MAP3K20: variants seen among roughly 807,000 people sequenced by gnomAD.
MAP3K20 encodes the protein HCCS-4.
In MAP3K20, 40 loss-of-function variants were observed where a neutral mutation model predicts 85.7. The observed-to-expected ratio is 0.47, with a 90% confidence interval of 0.36 to 0.61. The LOEUF (loss-of-function observed/expected upper bound fraction) is 0.61, where lower values mean the gene tolerates loss of function less well. MAP3K20 is among the 20% of genes least tolerant of loss of function. MAP3K20 has a pLI of 0.00. For synonymous variants in MAP3K20, 325 were observed against 327.7 expected (o/e 0.99, Z 0.09); for missense variants, 817 against 961.7 (o/e 0.85, Z 1.99).
At chr2:173,202,862 T>G (rs1392737806) in intron 8 of MAP3K20, among the ~76,000 whole-genome samples, 2 of 152,178 alleles carry the variant, frequency 1.3e-5, no homozygotes, top group Non-Finnish European at 2.9e-5. Context: ...GCCTTTGATT[T>G]ATTTTATTTG....
chr2:173,137,820 A>T (rs1279833780), intron 2 of MAP3K20, among the ~76,000 whole-genome samples: 2 of 152,228 alleles, frequency 1.3e-5, no homozygotes, highest in Non-Finnish European at 2.9e-5. Context: ...CATTTAAGTA[A>T]CAGAAAGTAA....
At chr2:173,080,855 G>T (rs2106134510) in intron 1 of MAP3K20, among the ~76,000 whole-genome samples, 1 of 152,200 alleles carries the variant, frequency 6.6e-6, no homozygotes, top group East Asian at 1.9e-4. Context: ...AGCTAATTTT[G>T]AGCAAGGCCC....
rs1401433210 is a variant in MAP3K20 at position 173,251,334 on chromosome 2, G to A, written c.1360-7365G>A. On this transcript the variant is annotated intron_variant, in intron 16 of 19. Coordinates refer to ENST00000375213, the MANE Select transcript of MAP3K20 (RefSeq NM_016653.3). The stretch of plus-strand genomic sequence containing the variant: ...TTACTTTTTCTCCATTCATGGTTTT[G>A]GGGAGTGGTGGTGGATTTTGAAAAT... Among the ~76,000 whole-genome samples the A allele has an allele frequency of 2.0e-5, 3 of 152,052 alleles. No individual in the cohort carries two copies. In the East Asian group the frequency reaches 5.8e-4, roughly 29 times the overall value.
At chr2:173,171,241 C>G (rs1689993150) in intron 3 of MAP3K20, among the ~76,000 whole-genome samples, 1 of 152,142 alleles carries the variant, frequency 6.6e-6, no homozygotes, top group African/African-American at 2.4e-5. Flanking sequence ...TACCATGTGG[C>G]TCCTTTTTTC....
intron 3 of MAP3K20, among the ~76,000 whole-genome samples, chr2:173,172,864 C>T (rs1408504392): frequency 6.6e-6 from 1 of 151,788 alleles, no homozygotes; most frequent in Non-Finnish European, 1.5e-5. Context: ...GTGGTGCAAC[C>T]TAGGCTCACT....
At chr2:173,128,540 C>T (rs989134780) in intron 2 of MAP3K20, among the ~76,000 whole-genome samples, 2 of 152,022 alleles carry the variant, frequency 1.3e-5, no homozygotes, top group Non-Finnish European at 2.9e-5. Flanking sequence ...CCATGTTGGC[C>T]AGGCTGGTCT....
intron 2 of MAP3K20, among the ~76,000 whole-genome samples, chr2:173,129,026 C>T (rs1264279626): frequency 4.8e-5 from 7 of 147,322 alleles, no homozygotes; most frequent in South Asian, 2.1e-4. Flanking sequence ...TGGGTTCAAG[C>T]GATTGTCCTG....
chr2:173,211,019 T>A (rs1397450673), intron 10 of MAP3K20: 1 of 152,222 alleles, frequency 6.6e-6, no homozygotes, highest in Non-Finnish European at 1.5e-5. Context: ...TGGGCTGAGA[T>A]AATTAACAAA....
At chr2:173,257,303 G>C (rs376891160) in intron 16 of MAP3K20, among the ~76,000 whole-genome samples, 1 of 152,176 alleles carries the variant, frequency 6.6e-6, no homozygotes, top group South Asian at 2.1e-4. Flanking sequence ...GCTACCCCCA[G>C]AAAGTTTCCT....
intron 19 of MAP3K20, among the ~76,000 whole-genome samples, chr2:173,265,067 GTGATGGAC>G (rs1685385760): frequency 6.6e-6 from 1 of 152,242 alleles, no homozygotes; most frequent in Non-Finnish European, 1.5e-5. Flanking sequence ...AGAAGGCATT[GTGATGGAC>G]TGAAGCCTGG....
chr2:173,200,571 CTTTT>C (rs1007641704), intron 8 of MAP3K20, among the ~76,000 whole-genome samples: 11 of 151,906 alleles, frequency 7.2e-5, no homozygotes, highest in South Asian at 2.1e-4. Flanking sequence ...TTAGAGTTGT[CTTTT>C]TTTTAACTTT....
intron 2 of MAP3K20, among the ~76,000 whole-genome samples, chr2:173,159,488 C>T (rs1247980945): frequency 6.6e-6 from 1 of 151,120 alleles, no homozygotes; most frequent in Non-Finnish European, 1.5e-5. Context: ...CTCCTAGGTG[C>T]AAGTGATCCT....
chr2:173,129,817 C>T (rs1458518380), intron 2 of MAP3K20, among the ~76,000 whole-genome samples: 3 of 152,132 alleles, frequency 2.0e-5, no homozygotes, highest in African/African-American at 7.2e-5. Context: ...ATAATTGAAG[C>T]TCACTTAAGT....
chr2:173,183,005 C>CATTTCAGGAGGGGAAAA, intron 4 of MAP3K20, 50 bp downstream of exon 4: 1 of 1,426,950 alleles, frequency 7.0e-7, no homozygotes, highest in Non-Finnish European at 9.7e-7. Flanking sequence ...GCATTTTCCC[C>CATTTCAGGAGGGGAAAA]TCCTGAAATG....
At chr2:173,170,582 T>C (rs946449087) in intron 3 of MAP3K20, among the ~76,000 whole-genome samples, 1 of 152,166 alleles carries the variant, frequency 6.6e-6, no homozygotes, top group African/African-American at 2.4e-5. Flanking sequence ...GGCAAATCTT[T>C]GATTAAAACA....
intron 7 of MAP3K20, among the ~76,000 whole-genome samples, chr2:173,195,280 A>T (rs1024079942): frequency 1.9e-4 from 29 of 152,120 alleles, no homozygotes; most frequent in African/African-American, 6.7e-4. Context: ...CCTTGAAAAC[A>T]TAGTGGCTTA....
rs1049194636 is a variant in MAP3K20, at chr2:173,229,621, G to A, written c.988-68G>A. 9 of 1,599,136 alleles carry A rather than the reference G, an allele frequency of 5.6e-6. No individual in the cohort carries two copies. In the African/African-American group the frequency reaches 1.2e-4, roughly 21 times the overall value. ...GCTGAGAGCTGAAAGAGTGAGACAA[G>A]AGGATGAACCAAAAAGACAATGATA... On this transcript the variant is annotated intron_variant, in intron 11 of 19. Transcript: ENST00000375213.
intron 3 of MAP3K20, among the ~76,000 whole-genome samples, chr2:173,171,230 A>G (rs1020478629): frequency 8.5e-5 from 13 of 152,216 alleles, no homozygotes; most frequent in Non-Finnish European, 4.4e-5. Flanking sequence ...TCTGACCCAT[A>G]TACCATGTGG....
intron 19 of MAP3K20, 54 bp downstream of exon 19, chr2:173,263,949 G>A (rs1685354369): frequency 6.4e-7 from 1 of 1,553,464 alleles, no homozygotes; most frequent in Admixed American, 2.1e-5. Flanking sequence ...ACTTAATTAT[G>A]ACATTTCCAG....
Sources: gnomAD v4.1 joint callset for allele counts (sites outside exome capture counted in the v4.1 genomes callset) on GRCh38, gnomAD v4.1.1 for gene constraint, MANE v1.5 for transcripts, NCBI Gene and HGNC (gene_info 2026-07-23, HGNC 2026-07-21) for gene names.